The following FAM120A variants were observed in gnomAD, a reference collection of about 807,000 sequenced individuals.
The protein encoded by FAM120A is family with sequence similarity 120 member A, also known as constitutive coactivator of PPAR-gamma-like protein 1.
A neutral mutation model predicts 109.7 loss-of-function variants in FAM120A; 15 were observed. That is an observed-to-expected ratio of 0.14 (90% CI 0.09 to 0.21). The LOEUF is 0.21. Among genes scored for constraint, FAM120A ranks in the 10% least tolerant of loss-of-function variants. The probability of loss-of-function intolerance (pLI) is 1.00; values close to 1 mark genes in which losing one functional copy is unlikely to be tolerated. For synonymous variants in FAM120A, 493 were observed against 572.8 expected (o/e 0.86, Z 1.99); for missense variants, 899 against 1,439.3 (o/e 0.62, Z 6.07).
At chr9:93,516,319 G>T (rs1341218713) in intron 7 of FAM120A, 50 bp downstream of exon 7, 1 of 1,593,046 alleles carries the variant, frequency 6.3e-7, no homozygotes, top group South Asian at 1.1e-5. Context: ...AGTGACCTGG[G>T]GAAGCTGCCT....
Position 93,452,888 on chromosome 9 carries a change from C to T in FAM120A, c.474+499C>T. Reference sequence around the variant, plus strand: ...GCAAATATCAGTGCTGCTGCCGCCGCCCTTGCCAATGTTGTTAGCCCGGTG... The same window carrying T: ...GCAAATATCAGTGCTGCTGCCGCCGTCCTTGCCAATGTTGTTAGCCCGGTG... On this transcript the variant is annotated intron_variant, in intron 1 of 17. Coordinates refer to ENST00000277165, the MANE Select transcript of FAM120A (RefSeq NM_014612.5). The surrounding 1 kb of genome is among the most constrained non-coding windows in gnomAD (Gnocchi z 7.0). The T allele has an allele frequency of 6.9e-7, 1 of 1,446,122 alleles. No homozygotes were observed. The highest frequency in any genetic ancestry group is 9.0e-7 in the Non-Finnish European group (1 of 1,107,850). The allele number at this position is 1,446,122 out of a possible 1,614,324, so 89.6% of individuals were successfully genotyped here.
intron 11 of FAM120A, among the ~76,000 whole-genome samples, chr9:93,545,830 C>T (rs1389133687): frequency 8.0e-5 from 7 of 88,046 alleles, no homozygotes; most frequent in South Asian, 7.3e-4. Context: ...TTGCTCTTGT[C>T]GCTGGAGTGC....
Position 93,565,568 on chromosome 9 carries a change from C to G in FAM120A, c.*1028C>G, listed in dbSNP as rs776321740. The G allele has an allele frequency of 5.3e-5, 8 of 152,292 alleles. No homozygotes were observed. The highest frequency in any genetic ancestry group is 8.8e-5 in the Non-Finnish European group (6 of 68,000). 9.4% of individuals were successfully genotyped at this position (152,292 alleles called of 1,614,324 possible). A position where few individuals can be genotyped will look rare whatever the true frequency, so the allele number is the denominator to read the frequency against. On this transcript the variant is annotated 3_prime_UTR_variant, in exon 18 of 18. Transcript: ENST00000277165. ...TATTCTAAAGCCCCCCAAAAATTAT[C>G]TAGCCGTTTCGAATATCAACATTAC... is the stretch of plus-strand genomic sequence containing the variant.
At chr9:93,466,110 G>C (rs1198054882) in intron 1 of FAM120A, among the ~76,000 whole-genome samples, 1 of 152,056 alleles carries the variant, frequency 6.6e-6, no homozygotes, top group Non-Finnish European at 1.5e-5. Context: ...GCTCTGCAGT[G>C]ACCAGTTTTC....
At chr9:93,510,504 G>A (rs1322918826) in intron 5 of FAM120A, among the ~76,000 whole-genome samples, 1 of 152,144 alleles carries the variant, frequency 6.6e-6, no homozygotes, top group Admixed American at 6.5e-5. Flanking sequence ...GTAGCGACCT[G>A]GTAGAGTTCT....
chr9:93,458,311 C>A (rs1461050248), intron 1 of FAM120A, among the ~76,000 whole-genome samples: 1 of 151,374 alleles, frequency 6.6e-6, no homozygotes, highest in African/African-American at 2.4e-5. Flanking sequence ...CACCGTCTGT[C>A]CCCTGCTTGC....
chr9:93,462,628 A>T (rs139288910), intron 1 of FAM120A, among the ~76,000 whole-genome samples: 1 of 152,268 alleles, frequency 6.6e-6, no homozygotes, highest in African/African-American at 2.4e-5. Flanking sequence ...CATCACCACC[A>T]TCCATTCCCA....
rs539013738 is a variant in FAM120A, at chr9:93,527,594, T to A, written c.1506+352T>A. 6.2e-4 allele frequency among the ~76,000 whole-genome samples: 93 copies of A among 149,876 alleles called. 1 individual carries two copies. The South Asian group carries it at 0.018, about 28-fold the overall frequency. On this transcript the variant is annotated intron_variant, in intron 8 of 17. Coordinates refer to ENST00000277165, the MANE Select transcript of FAM120A (RefSeq NM_014612.5). Reference sequence around the variant, plus strand: ...CACCCCCCTTTTTTCTTTATCTTTTTAAAAAAATTTTTGTATTTAATTTTT... The same window carrying A: ...CACCCCCCTTTTTTCTTTATCTTTTAAAAAAAATTTTTGTATTTAATTTTT...
chr9:93,516,051 A>G lies in FAM120A; in HGVS notation c.1200A>G (p.Pro400=). Residue 400 remains proline, a synonymous_variant, in exon 7 of 18, where the codon CCA becomes CCG. Transcript: ENST00000277165. ...QGPYPYSLSE[P]APLTLDTSGK... is the part of the protein sequence containing the mutation. Reference sequence around the variant, plus strand: ...CATACCCGTACAGCCTCTCTGAGCCAGCACCTCTCACTTTGGACACGAGCG... The same window carrying G: ...CATACCCGTACAGCCTCTCTGAGCCGGCACCTCTCACTTTGGACACGAGCG... The G allele has an allele frequency of 6.2e-7, 1 of 1,605,912 alleles. No homozygotes were observed. The highest frequency in any genetic ancestry group is 8.5e-7 in the Non-Finnish European group (1 of 1,176,646).
intron 11 of FAM120A, among the ~76,000 whole-genome samples, chr9:93,547,582 G>A (rs1249438268): frequency 6.6e-6 from 1 of 152,182 alleles, no homozygotes; most frequent in Non-Finnish European, 1.5e-5. Context: ...GGAAATGAAG[G>A]CTGTGGGAAG....
chr9:93,477,826 T>A (rs1215370001), intron 3 of FAM120A, among the ~76,000 whole-genome samples: 1 of 152,254 alleles, frequency 6.6e-6, no homozygotes. Flanking sequence ...GAAAACCAGC[T>A]CAATCTATTG....
rs1464442216 is a variant in FAM120A at position 93,543,079 on chromosome 9, T to C, written c.1910-143T>C. ...CAAAATACCCACAAGGACTTGATGA[T>C]TGGTAGTTTTGCTAAGGAGAGAATG... On this transcript the variant is annotated intron_variant, in intron 10 of 17. Coordinates refer to ENST00000277165, the MANE Select transcript of FAM120A (RefSeq NM_014612.5). 9.3e-6 allele frequency: 9 copies of C among 971,386 alleles called. No individual in the cohort carries two copies. The Admixed American group carries it at 1.9e-4, about 21-fold the overall frequency. The allele number at this position is 971,386 out of a possible 1,614,324, so 60.2% of individuals were successfully genotyped here. A position where few individuals can be genotyped will look rare whatever the true frequency, so the allele number is the denominator to read the frequency against.
chr9:93,505,498 A>C (rs1250157412), intron 5 of FAM120A, among the ~76,000 whole-genome samples: 1 of 152,236 alleles, frequency 6.6e-6, no homozygotes, highest in East Asian at 1.9e-4. Context: ...TTCTGTCTTC[A>C]TGATGTGCTT....
At chr9:93,482,280 C>T (rs147060410) in intron 3 of FAM120A, among the ~76,000 whole-genome samples, 6,634 of 151,230 alleles carry the variant, frequency 0.044, 496 homozygotes, top group African/African-American at 0.15. Flanking sequence ...CTCTGCCTCC[C>T]GAGTTCAAGC....
Position 93,532,323 on chromosome 9 carries a change from C to T in FAM120A, c.1903C>T (p.Pro635Ser). 7 of 1,614,080 alleles carry T rather than the reference C, an allele frequency of 4.3e-6. No individual in the cohort carries two copies. Among genetic ancestry groups the T allele is most frequent in the Non-Finnish European group, 5.9e-6 (7 of 1,179,934 alleles). The change falls in exon 10 of 18, where the codon CCA becomes TCA. Residue 635 changes from proline (P) to serine (S), a missense_variant. Transcript: ENST00000277165. This position sits in a 1 kb window ranked among gnomAD's most constrained non-coding sequence, Gnocchi z 4.3. ...RLAFRKNRLPPEFSPVIIKEW... is the reference protein window; with the variant it reads ...RLAFRKNRLPSEFSPVIIKEW... ...TGCTTTTAGAAAGAACAGACTTCCACCAGAATGTATGTACTGTAACAATCC... is the reference window on the plus strand; with the variant it reads ...TGCTTTTAGAAAGAACAGACTTCCATCAGAATGTATGTACTGTAACAATCC...
At chr9:93,496,576 A>G (rs1167746047) in intron 3 of FAM120A, among the ~76,000 whole-genome samples, 1 of 152,206 alleles carries the variant, frequency 6.6e-6, no homozygotes, top group African/African-American at 2.4e-5. Flanking sequence ...AGGCCCTGTC[A>G]TGCTGCATCA....
chr9:93,564,409 C>A lies in FAM120A; in HGVS notation c.3226C>A (p.His1076Asn). 1 of 1,614,254 alleles carries A rather than the reference C, an allele frequency of 6.2e-7. No homozygotes were observed. The highest frequency in any genetic ancestry group is 1.3e-5 in the African/African-American group (1 of 75,078). The change falls in exon 18 of 18, where the codon CAC becomes AAC. Residue 1076 changes from histidine (H) to asparagine (N), a missense_variant. Physicochemically the swap from His to Asn is moderately conservative, Grantham distance 68 (BLOSUM62 1). Coordinates refer to ENST00000277165, the MANE Select transcript of FAM120A (RefSeq NM_014612.5). ...GSTGDARAPSHSESALNNDSK... is the reference protein window; with the variant it reads ...GSTGDARAPSNSESALNNDSK... ...CACGGGTGACGCCAGGGCCCCCAGC[C>A]ACTCTGAAAGTGCCTTGAATAATGA...
At chr9:93,514,662 G>C (rs1860486281) in intron 5 of FAM120A, among the ~76,000 whole-genome samples, 1 of 152,190 alleles carries the variant, frequency 6.6e-6, no homozygotes, top group Non-Finnish European at 1.5e-5. Context: ...AGGGAGTGCA[G>C]CTCCTAGAGG....
rs1003544241 is a variant in FAM120A at position 93,500,127 on chromosome 9, G to C, written c.1030+1241G>C. Among the ~76,000 whole-genome samples, 1 of 152,216 alleles carries C rather than the reference G, an allele frequency of 6.6e-6. No individual in the cohort carries two copies. Among genetic ancestry groups the C allele is most frequent in the Non-Finnish European group, 1.5e-5 (1 of 68,032 alleles). On this transcript the variant is annotated intron_variant, in intron 5 of 17. Transcript: ENST00000277165. This position sits in a 1 kb window ranked among gnomAD's most constrained non-coding sequence, Gnocchi z 4.6. ...CAGTGGGGCTCTTTGCTGCTCTCTT[G>C]CTCCCCTGCAATCCATTTTCTTCCC...
Sources: allele counts gnomAD v4.1 joint callset (sites outside exome capture counted in the v4.1 genomes callset), GRCh38; gene constraint gnomAD v4.1.1; non-coding constraint Gnocchi (gnomAD v3.1); transcripts MANE v1.5; gene names NCBI Gene and HGNC (gene_info 2026-07-23, HGNC 2026-07-21).